The following HORMAD2 variants were observed in gnomAD, a reference collection of about 807,000 sequenced individuals.
HORMAD2 encodes HORMA domain-containing protein 2.
Under a neutral mutation model 38.8 loss-of-function variants are expected in HORMAD2, and 45 were observed. That is an observed-to-expected ratio of 1.16 (90% CI 0.91 to 1.49). HORMAD2 has a LOEUF of 1.49. Among genes scored for constraint, HORMAD2 ranks in the 40% most tolerant of loss-of-function variants. HORMAD2 has a pLI of 0.00. For missense variants in HORMAD2, 338 were observed against 367.0 expected (o/e 0.92, Z 0.65); for synonymous variants, 126 against 122.8 (o/e 1.03, Z -0.17).
chr22:30,187,763 A>G, the HORMAD2 span, among the ~76,000 whole-genome samples: 3 of 152,242 alleles, frequency 2.0e-5, no homozygotes, highest in South Asian at 6.2e-4. Context: ...TGGGCCAAAT[A>G]TAATTTCTTT....
intron 10 of HORMAD2, among the ~76,000 whole-genome samples, chr22:30,171,496 C>G (rs1049490354): frequency 2.0e-5 from 3 of 152,110 alleles, no homozygotes; most frequent in African/African-American, 7.2e-5. Flanking sequence ...CCAAATATAT[C>G]TCTCAATTTT....
At chr22:30,088,289 A>C (rs1005586587) in intron 1 of HORMAD2, among the ~76,000 whole-genome samples, 8 of 150,476 alleles carry the variant, frequency 5.3e-5, no homozygotes, top group Non-Finnish European at 1.0e-4. Context: ...ATATACATAC[A>C]TATATATACA....
downstream of HORMAD2, among the ~76,000 whole-genome samples, chr22:30,180,028 A>G (rs1426716533): frequency 6.6e-6 from 1 of 152,106 alleles, no homozygotes; most frequent in Admixed American, 6.5e-5. Flanking sequence ...AGCTAGAACT[A>G]CAGGTACATG....
intron 10 of HORMAD2, among the ~76,000 whole-genome samples, chr22:30,157,412 C>T (rs1283615859): frequency 2.0e-5 from 3 of 151,776 alleles, no homozygotes; most frequent in Non-Finnish European, 2.9e-5. Flanking sequence ...CTCAAAGCAT[C>T]CCTGTTTGGT....
At chr22:30,186,893 C>A in the HORMAD2 span, among the ~76,000 whole-genome samples, 12 of 147,678 alleles carry the variant, frequency 8.1e-5, no homozygotes, top group Non-Finnish European at 1.5e-5. Context: ...CATCTACGAC[C>A]AAAGAAGGGG....
chr22:30,182,658 G>T, the HORMAD2 span, among the ~76,000 whole-genome samples: 1 of 152,314 alleles, frequency 6.6e-6, no homozygotes, highest in East Asian at 1.9e-4. Flanking sequence ...GGGTGCAGTG[G>T]TGTGTGTCTG....
intron 10 of HORMAD2, among the ~76,000 whole-genome samples, chr22:30,175,632 C>A (rs1389829000): frequency 3.3e-5 from 5 of 152,004 alleles, no homozygotes; most frequent in Admixed American, 1.3e-4. Flanking sequence ...CTTCTTAATT[C>A]ATTATTCTGA....
intron 10 of HORMAD2, among the ~76,000 whole-genome samples, chr22:30,159,999 G>T (rs948733987): frequency 2.0e-4 from 31 of 152,078 alleles, no homozygotes; most frequent in African/African-American, 6.8e-4. Context: ...CAGCTGACAT[G>T]AAGTCCCTCT....
upstream of HORMAD2, among the ~76,000 whole-genome samples, chr22:30,078,607 C>CCAAA (rs1234942826): frequency 1.8e-3 from 50 of 28,102 alleles, 2 homozygotes; most frequent in African/African-American, 6.8e-3. Flanking sequence ...CTCTGTCTCA[C>CCAAA]AAAAAAAAAA....
At chr22:30,124,394 GAAT>G (rs1185560022) in intron 10 of HORMAD2, among the ~76,000 whole-genome samples, 1 of 151,798 alleles carries the variant, frequency 6.6e-6, no homozygotes, top group East Asian at 1.9e-4. Flanking sequence ...ACAGTTTAAA[GAAT>G]AATGAGAACA....
the HORMAD2 span, among the ~76,000 whole-genome samples, chr22:30,205,668 C>T: frequency 6.6e-6 from 1 of 152,122 alleles, no homozygotes; most frequent in Non-Finnish European, 1.5e-5. Context: ...ACTGTATTTC[C>T]CCCTTTTGAG....
chr22:30,177,287 A>G (rs1446207629), downstream of HORMAD2, among the ~76,000 whole-genome samples: 1 of 152,186 alleles, frequency 6.6e-6, no homozygotes. Flanking sequence ...ACACACACAA[A>G]ATGGAGAACC....
chr22:30,092,202 A>G (rs1462357292), intron 1 of HORMAD2, among the ~76,000 whole-genome samples: 1 of 151,986 alleles, frequency 6.6e-6, no homozygotes, highest in East Asian at 1.9e-4. Context: ...TTTTAATAAT[A>G]GCCATTCTAA....
rs1674522216 is a variant in HORMAD2 at position 30,177,041 on chromosome 22, T to G, written c.*874T>G. ...GGACCAATAAGTTAAATATTAAGTG[T>G]GTGACTTATGGTTAAATAAAATGAA... is the stretch of plus-strand genomic sequence containing the variant. On this transcript the variant is annotated 3_prime_UTR_variant, in exon 11 of 11. Transcript: ENST00000336726. 1 of 152,750 alleles carries G rather than the reference T, an allele frequency of 6.5e-6. No homozygotes were observed. Among genetic ancestry groups the G allele is most frequent in the African/African-American group, 2.4e-5 (1 of 41,452 alleles). 9.5% of individuals were successfully genotyped at this position (152,750 alleles called of 1,614,324 possible).
intron 10 of HORMAD2, among the ~76,000 whole-genome samples, chr22:30,147,127 A>G (rs888751012): frequency 1.3e-5 from 2 of 152,222 alleles, no homozygotes; most frequent in Non-Finnish European, 2.9e-5. Context: ...TGATCTATAC[A>G]TTCAATGCAA....
intron 10 of HORMAD2, among the ~76,000 whole-genome samples, chr22:30,166,927 ATGTTTGGAGGATTAGCTCCCT>A (rs1490526555): frequency 3.3e-5 from 5 of 152,220 alleles, no homozygotes; most frequent in African/African-American, 1.2e-4. Flanking sequence ...AGAATGTGGT[ATGTTTGGAGGATTAGCTCCCT>A]TGGTTGCTGT....
intron 10 of HORMAD2, among the ~76,000 whole-genome samples, chr22:30,175,692 G>A (rs1926412867): frequency 1.3e-5 from 2 of 152,214 alleles, no homozygotes; most frequent in East Asian, 1.9e-4. Flanking sequence ...CTGAAATTGG[G>A]ACTTAAATTA....
chr22:30,188,047 A>G, the HORMAD2 span, among the ~76,000 whole-genome samples: 1 of 151,928 alleles, frequency 6.6e-6, no homozygotes, highest in Admixed American at 6.6e-5. Flanking sequence ...TTGCAAAAAT[A>G]TAATAAATAT....
intron 10 of HORMAD2, among the ~76,000 whole-genome samples, chr22:30,135,206 A>G (rs142768728): frequency 6.6e-6 from 1 of 152,192 alleles, no homozygotes; most frequent in African/African-American, 2.4e-5. Flanking sequence ...TCACTCATGA[A>G]AGAGTAATGT....
Sources: allele counts gnomAD v4.1 joint callset (sites outside exome capture counted in the v4.1 genomes callset), GRCh38; gene constraint gnomAD v4.1.1; transcripts MANE v1.5; gene names NCBI Gene and HGNC (gene_info 2026-07-23, HGNC 2026-07-21).